Variants in SPAG9 observed in about 807,000 individuals in gnomAD.
SPAG9 encodes sperm associated antigen 9, also known as C-Jun-amino-terminal kinase-interacting protein 4.
Under a neutral mutation model 166.5 loss-of-function variants are expected in SPAG9, and 35 were observed. The observed-to-expected ratio is 0.21, with a 90% CI of 0.16 to 0.28. SPAG9 has a LOEUF of 0.28. Among genes scored for constraint, SPAG9 ranks in the 10% least tolerant of loss-of-function variants. The pLI, the probability that SPAG9 is intolerant of heterozygous loss-of-function variation, is 1.00. For synonymous variants in SPAG9, 534 were observed against 565.5 expected, an observed-to-expected ratio of 0.94 and a Z score of 0.79; for missense variants, 1,235 against 1,603.3, an observed-to-expected ratio of 0.77 and a Z score of 3.92.
chr17:51,070,325 C>T (rs11650549), intron 2 of SPAG9, among the ~76,000 whole-genome samples: 1 of 151,990 alleles, frequency 6.6e-6, no homozygotes, highest in Non-Finnish European at 1.5e-5. Flanking sequence ...GTAAATAATG[C>T]TTCAAATTCA....
intron 6 of SPAG9, among the ~76,000 whole-genome samples, chr17:51,026,326 A>AT (rs1383951235): frequency 5.0e-4 from 75 of 150,488 alleles, no homozygotes; most frequent in Admixed American, 4.6e-4. Context: ...AAGAGAAAAA[A>AT]AAAAAAAAAA....
chr17:51,037,872 C>T (rs929447005), intron 5 of SPAG9, among the ~76,000 whole-genome samples: 1 of 151,518 alleles, frequency 6.6e-6, no homozygotes, highest in Non-Finnish European at 1.5e-5. Context: ...GCCTATAGCA[C>T]TTTTATAATA....
rs563230627 is a variant in SPAG9 at position 50,984,913 on chromosome 17, C to T, written c.3088+10G>A. 620 of 1,610,932 alleles carry T rather than the reference C, an allele frequency of 3.8e-4. 6 individuals are homozygous for T. The South Asian group carries it at 6.5e-3, about 17-fold the overall frequency. On this transcript the variant is annotated intron_variant, in intron 24 of 29. Transcript: ENST00000262013. Reference sequence around the variant, plus strand: ...ATTAGTGTCCATGTTATACACACATCACCACTCACCCACTCCTCTGTGAAA... The same window carrying T: ...ATTAGTGTCCATGTTATACACACATTACCACTCACCCACTCCTCTGTGAAA...
chr17:51,089,834 G>T (rs1480256504), intron 1 of SPAG9, among the ~76,000 whole-genome samples: 1 of 150,210 alleles, frequency 6.7e-6, no homozygotes, highest in Non-Finnish European at 1.5e-5. Flanking sequence ...CCACCACCAT[G>T]CCCAGCTAAT....
rs879689153 is a variant in SPAG9, at chr17:51,077,093, T to TCTAGCTATCTAGCTAG, written c.424+2490_424+2491insCTAGCTAGATAGCTAG. 2.9e-3 allele frequency among the ~76,000 whole-genome samples: 163 copies of TCTAGCTATCTAGCTAG among 56,022 alleles called. 1 individual carries two copies. The highest frequency in any genetic ancestry group is 0.018 in the East Asian group (42 of 2,300). The allele number at this position is 56,022 out of a possible 152,430, so 36.8% of individuals were successfully genotyped here. A position where few individuals can be genotyped will look rare whatever the true frequency, so the allele number is the denominator to read the frequency against. On this transcript the variant is annotated intron_variant, in intron 2 of 29. Transcript: ENST00000262013. ...AGCTATCTAGCTATCTAGCTAGCTA[T>TCTAGCTATCTAGCTAG]CTATCTAGCTAGCTATCTAGCTATC...
intron 2 of SPAG9, among the ~76,000 whole-genome samples, chr17:51,064,616 A>G (rs2047609385): frequency 6.6e-6 from 1 of 152,192 alleles, no homozygotes; most frequent in Non-Finnish European, 1.5e-5. Context: ...GTATGATCCT[A>G]TTATTATGAA....
chr17:51,016,883 A>T (rs748845474), intron 8 of SPAG9, among the ~76,000 whole-genome samples: 27 of 152,260 alleles, frequency 1.8e-4, no homozygotes, highest in Non-Finnish European at 3.4e-4. Flanking sequence ...CCTGGGCGAC[A>T]AAGCGAGACT....
chr17:51,019,998 C>T (rs1159053184), intron 8 of SPAG9, among the ~76,000 whole-genome samples, 161 bp downstream of exon 8: 1 of 152,136 alleles, frequency 6.6e-6, no homozygotes, highest in Non-Finnish European at 1.5e-5. Flanking sequence ...AAAATTTAAA[C>T]CATGTACAGT....
At chr17:51,110,630 A>G (rs2049081853) in intron 1 of SPAG9, among the ~76,000 whole-genome samples, 1 of 152,170 alleles carries the variant, frequency 6.6e-6, no homozygotes, top group Non-Finnish European at 1.5e-5. Context: ...CAACAGTTGC[A>G]GTGAGCCAAG....
chr17:50,989,897 C>G (rs1186520696), intron 20 of SPAG9, 25 bp from the exon 21 acceptor site: 1 of 1,603,850 alleles, frequency 6.2e-7, no homozygotes, highest in Non-Finnish European at 8.5e-7. Flanking sequence ...AAACACTATT[C>G]CAAGTCTGGG....
chr17:51,043,619 G>A (rs770751778), intron 4 of SPAG9, among the ~76,000 whole-genome samples: 30 of 152,136 alleles, frequency 2.0e-4, no homozygotes, highest in Non-Finnish European at 4.4e-4. Flanking sequence ...TTTGTGAACC[G>A]AAAATCCAAG....
At chr17:50,993,736 G>A (rs1460381519) in intron 19 of SPAG9, 28 bp downstream of exon 19, 1 of 1,608,538 alleles carries the variant, frequency 6.2e-7, no homozygotes, top group Non-Finnish European at 8.5e-7. Flanking sequence ...TGGAGGGGAG[G>A]GCAGAGAAAC....
chr17:50,989,586 A>C, intron 21 of SPAG9, 91 bp downstream of exon 21: 1 of 956,560 alleles, frequency 1.0e-6, no homozygotes, highest in East Asian at 2.6e-5. Flanking sequence ...GACACTAATT[A>C]GTGGAAATCT....
At chr17:51,018,854 T>C (rs2045814541) in intron 8 of SPAG9, among the ~76,000 whole-genome samples, 1 of 152,182 alleles carries the variant, frequency 6.6e-6, no homozygotes, top group Non-Finnish European at 1.5e-5. Context: ...GTCCACTCTG[T>C]TACTTCCTTC....
At chr17:51,089,626 A>ATATT (rs2048401569) in intron 1 of SPAG9, among the ~76,000 whole-genome samples, 4 of 59,870 alleles carry the variant, frequency 6.7e-5, no homozygotes, top group African/African-American at 3.8e-4. Context: ...TATTTTATAT[A>ATATT]TATATATATA....
At chr17:51,104,408 G>A (rs1401369169) in intron 1 of SPAG9, among the ~76,000 whole-genome samples, 2 of 152,116 alleles carry the variant, frequency 1.3e-5, no homozygotes, top group African/African-American at 4.8e-5. Context: ...AGTCCAAGGT[G>A]GACGGATCAC....
chr17:51,120,628 T>C lies in SPAG9; in HGVS notation c.29A>G (p.Gln10Arg). ...GGCCCCGGAGCCGCCGGGCTCCTCC[T>C]GATACACCACACCGTCCTCCAGCTC... MELEDGVVYQEEPGGSGAVM... is the reference protein window; with the variant it reads MELEDGVVYREEPGGSGAVM... The change falls in exon 1 of 30, where the codon CAG becomes CGG. Residue 10 changes from glutamine to arginine, a missense_variant. Transcript: ENST00000262013. This position sits in a 1 kb window ranked among gnomAD's most constrained non-coding sequence, Gnocchi z 4.7. 6.2e-7 allele frequency: 1 copy of C among 1,610,680 alleles called. No homozygotes were observed. Among genetic ancestry groups the C allele is most frequent in the Non-Finnish European group, 8.5e-7 (1 of 1,178,850 alleles).
intron 1 of SPAG9, among the ~76,000 whole-genome samples, chr17:51,099,943 T>TA (rs1207905572): frequency 2.0e-5 from 3 of 151,016 alleles, no homozygotes; most frequent in African/African-American, 4.9e-5. Context: ...CTACCAAAAA[T>TA]AAAAAAATTA....
In SPAG9 at chr17:51,079,595, T is replaced by G. The variant is rs774338146; in HGVS notation, c.413A>C (p.Tyr138Ser). Residue 138 changes from tyrosine (Y) to serine (S), a missense_variant, in exon 2 of 30, where the codon TAT (tyrosine) becomes TCT (serine). Tyr to Ser is a moderately radical substitution (Grantham distance 144). Transcript: ENST00000262013. ...AATGTTTTACTTACTCTGGTCAGCA[T>G]AGTTTTTCGCTTTCAGCTCAAGTTG... is the stretch of plus-strand genomic sequence containing the variant. ...TRQLELKAKN[Y>S]ADQISRLEER... 1 of 1,613,748 alleles carries G rather than the reference T, an allele frequency of 6.2e-7. No homozygotes were observed. The highest frequency in any genetic ancestry group is 8.5e-7 in the Non-Finnish European group (1 of 1,179,852).
Sources: allele counts gnomAD v4.1 joint callset (sites outside exome capture counted in the v4.1 genomes callset), GRCh38; gene constraint gnomAD v4.1.1; non-coding constraint Gnocchi (gnomAD v3.1); transcripts MANE v1.5; gene names NCBI Gene and HGNC (gene_info 2026-07-23, HGNC 2026-07-21).